KALRN: variants seen among roughly 807,000 people sequenced by gnomAD.
KALRN encodes kalirin.
In KALRN, 70 loss-of-function variants were observed where a neutral mutation model predicts 353.7. The ratio of observed to expected loss-of-function variants is 0.20; its 90% CI spans 0.16 to 0.24. The LOEUF (loss-of-function observed/expected upper bound fraction) is 0.24. Ranked by LOEUF, KALRN falls within the 10% of genes least tolerant of loss-of-function variation. The pLI, the probability that KALRN is intolerant of heterozygous loss-of-function variation, is 1.00. For synonymous variants in KALRN, 1,391 were observed against 1,434.8 expected, an observed-to-expected ratio of 0.97 and a Z score of 0.69; for missense variants, 2,791 against 3,756.7, an observed-to-expected ratio of 0.74 and a Z score of 6.72.
chr3:124,111,524 C>A (rs2062971912), intron 1 of KALRN, among the ~76,000 whole-genome samples: 1 of 152,104 alleles, frequency 6.6e-6, no homozygotes, highest in Non-Finnish European at 1.5e-5. Flanking sequence ...GGTCTGTAAG[C>A]AAGGAAGAAG....
intron 10 of KALRN, among the ~76,000 whole-genome samples, chr3:124,366,845 ACCTCCCTCCCGGACGGGGCGGCTGGCCG>A (rs2084796772): frequency 1.7e-5 from 2 of 121,156 alleles, no homozygotes; most frequent in African/African-American, 3.5e-5. Context: ...TGACCCCCCC[ACCTCCCTCCCGGACGGGGCGGCTGGCCG>A]GGCGGGGGGC....
chr3:124,629,089 A>G (rs1404876748), intron 34 of KALRN, among the ~76,000 whole-genome samples: 1 of 152,190 alleles, frequency 6.6e-6, no homozygotes, highest in Non-Finnish European at 1.5e-5. Flanking sequence ...TGATTTAAAT[A>G]TCAGTATGCA....
At chr3:124,119,657 G>C (rs1191023190) in intron 1 of KALRN, among the ~76,000 whole-genome samples, 2 of 152,220 alleles carry the variant, frequency 1.3e-5, no homozygotes, top group East Asian at 1.9e-4. Context: ...TTCAGATCGG[G>C]TAGGACTGAA....
intron 4 of KALRN, among the ~76,000 whole-genome samples, chr3:124,266,822 A>T (rs1016815039): frequency 1.3e-5 from 2 of 152,200 alleles, no homozygotes; most frequent in Non-Finnish European, 2.9e-5. Flanking sequence ...CCCCTCCAGA[A>T]CACTAGAAGT....
In KALRN at chr3:124,702,146, C is replaced by T. The variant is rs868706357; in HGVS notation, c.8075+30C>T. ...TGACACAGTTTTATATTCCTTCATTCATGAACACCTAGCAACATCACATCA... is the reference window on the plus strand; with the variant it reads ...TGACACAGTTTTATATTCCTTCATTTATGAACACCTAGCAACATCACATCA... On this transcript the variant is annotated intron_variant, in intron 57 of 59. Transcript: ENST00000682506. 7.2e-6 allele frequency: 10 copies of T among 1,379,494 alleles called. No individual in the cohort carries two copies. In the South Asian group the frequency reaches 1.2e-4, roughly 16 times the overall value. 85.5% of individuals were successfully genotyped at this position (1,379,494 alleles called of 1,614,324 possible).
At chr3:124,609,639 G>A (rs1184380348) in intron 34 of KALRN, among the ~76,000 whole-genome samples, 1 of 152,210 alleles carries the variant, frequency 6.6e-6, no homozygotes, top group Non-Finnish European at 1.5e-5. Flanking sequence ...ATCCATTCCG[G>A]CAGATGACTC....
chr3:124,322,383 G>A (rs1167607806), intron 6 of KALRN, among the ~76,000 whole-genome samples: 4 of 152,186 alleles, frequency 2.6e-5, no homozygotes, highest in African/African-American at 9.7e-5. Flanking sequence ...CCAGAGCTGG[G>A]ACCAAAACTC....
At chr3:124,121,109 A>AAG (rs1373305686) in intron 1 of KALRN, among the ~76,000 whole-genome samples, 1 of 150,676 alleles carries the variant, frequency 6.6e-6, no homozygotes, top group East Asian at 1.9e-4. Flanking sequence ...AAAAAAAAAA[A>AAG]AAAAAGAAAT....
chr3:124,683,384 T>A (rs2061425391), intron 51 of KALRN, among the ~76,000 whole-genome samples: 1 of 152,102 alleles, frequency 6.6e-6, no homozygotes, highest in South Asian at 2.1e-4. Flanking sequence ...GTTTCCACCT[T>A]TGAAAAGTTG....
intron 6 of KALRN, among the ~76,000 whole-genome samples, chr3:124,304,818 C>T (rs2077553699): frequency 6.6e-6 from 1 of 152,172 alleles, no homozygotes; most frequent in African/African-American, 2.4e-5. Context: ...CCCTAGTTCC[C>T]AGTTGAAGGA....
At chr3:124,496,926 G>A (rs2108567239) in intron 33 of KALRN, among the ~76,000 whole-genome samples, 1 of 152,312 alleles carries the variant, frequency 6.6e-6, no homozygotes, top group Middle Eastern at 3.4e-3. Flanking sequence ...AGGGACTCTA[G>A]TGGAAATGAT....
At chr3:124,076,501 C>T (rs1403166435) in intron 1 of KALRN, among the ~76,000 whole-genome samples, 1 of 152,182 alleles carries the variant, frequency 6.6e-6, no homozygotes, top group South Asian at 2.1e-4. Context: ...TGTTAATGAA[C>T]CTTCATCCGC....
chr3:124,226,006 G>A (rs2078454646), intron 1 of KALRN, among the ~76,000 whole-genome samples: 1 of 152,176 alleles, frequency 6.6e-6, no homozygotes, highest in South Asian at 2.1e-4. Context: ...TTAGTGGAGT[G>A]CATGGTGATA....
In KALRN at chr3:124,143,830, G is replaced by A. The variant is rs112558425; in HGVS notation, c.74-84160G>A. On this transcript the variant is annotated intron_variant, in intron 1 of 59. Coordinates refer to ENST00000682506, the MANE Select transcript of KALRN (RefSeq NM_001388419.1). Reference sequence around the variant, plus strand: ...TATTTGTTCAATAAATAAGACTGGCGTCAAATTCTGTTTGAAAGTGGGGCA... The same window carrying A: ...TATTTGTTCAATAAATAAGACTGGCATCAAATTCTGTTTGAAAGTGGGGCA... Among the ~76,000 whole-genome samples, 91 of 152,222 alleles carry A rather than the reference G, an allele frequency of 6.0e-4. 1 individual carries two copies. Among genetic ancestry groups the A allele is most frequent in the African/African-American group, 2.0e-3 (85 of 41,532 alleles).
chr3:124,445,436 G>A (rs59508765), intron 19 of KALRN, among the ~76,000 whole-genome samples: 6,222 of 152,282 alleles, frequency 0.041, 269 homozygotes, highest in African/African-American at 0.092. Flanking sequence ...AGAAAATTTA[G>A]AGAGGGAAAT....
intron 1 of KALRN, among the ~76,000 whole-genome samples, chr3:124,076,531 T>C (rs1378611390): frequency 2.0e-5 from 3 of 152,206 alleles, no homozygotes; most frequent in African/African-American, 7.2e-5. Flanking sequence ...CCCTTGCTCC[T>C]CGGAGGAGCC....
In KALRN at chr3:124,598,628, A is replaced by C. The variant is rs549035584; in HGVS notation, c.5183-33792A>C. On this transcript the variant is annotated intron_variant, in intron 34 of 59. Coordinates refer to ENST00000682506, the MANE Select transcript of KALRN (RefSeq NM_001388419.1). ...TCATTACCCCCTCTGTCTCATTCAC[A>C]CACGTTTTGTTTGTTTTTTTGTGTT... is the stretch of plus-strand genomic sequence containing the variant. Among the ~76,000 whole-genome samples the C allele has an allele frequency of 1.1e-4, 16 of 151,654 alleles. No individual in the cohort carries two copies. In the South Asian group the frequency reaches 1.7e-3, roughly 16 times the overall value.
chr3:124,388,576 C>T (rs1450962683), intron 11 of KALRN, among the ~76,000 whole-genome samples: 2 of 151,998 alleles, frequency 1.3e-5, no homozygotes, highest in African/African-American at 4.8e-5. Flanking sequence ...CTAGTCTCTC[C>T]TAAGAAAAGT....
At chr3:124,166,889 T>C (rs946591703) in intron 1 of KALRN, among the ~76,000 whole-genome samples, 3 of 151,576 alleles carry the variant, frequency 2.0e-5, no homozygotes, top group African/African-American at 4.9e-5. Context: ...AAAGAAAAAA[T>C]ACAAAATTAG....
Sources: allele counts gnomAD v4.1 joint callset (sites outside exome capture counted in the v4.1 genomes callset), GRCh38; gene constraint gnomAD v4.1.1; transcripts MANE v1.5; gene names NCBI Gene and HGNC (gene_info 2026-07-23, HGNC 2026-07-21).